PPARGC1A: variants seen among roughly 807,000 people sequenced by gnomAD.
PPARGC1A encodes the protein peroxisome proliferator-activated receptor gamma coactivator 1-alpha.
PPARGC1A carries 25 observed loss-of-function variants against 88.7 expected under a neutral mutation model. The ratio of observed to expected loss-of-function variants is 0.28; its 90% CI spans 0.21 to 0.39. The LOEUF (loss-of-function observed/expected upper bound fraction) is 0.39, where lower values mean the gene tolerates loss of function less well. Among genes scored for constraint, PPARGC1A ranks in the 10% least tolerant of loss-of-function variants. PPARGC1A has a pLI of 1.00. For synonymous variants in PPARGC1A, 363 were observed against 355.6 expected (o/e 1.02, Z -0.24); for missense variants, 880 against 968.7 (o/e 0.91, Z 1.22).
the PPARGC1A span, among the ~76,000 whole-genome samples, chr4:24,112,584 A>C: frequency 6.6e-6 from 1 of 152,200 alleles, no homozygotes; most frequent in Non-Finnish European, 1.5e-5. Context: ...ATACAGGGCT[A>C]TCTGCTTCCA....
intron 2 of PPARGC1A, among the ~76,000 whole-genome samples, chr4:23,867,091 T>A (rs1339949575): frequency 6.6e-6 from 1 of 152,244 alleles, no homozygotes; most frequent in South Asian, 2.1e-4. Context: ...TTCTGACTTA[T>A]TGAAGACTCA....
At chr4:23,918,184 G>A in the PPARGC1A span, among the ~76,000 whole-genome samples, 1 of 152,022 alleles carries the variant, frequency 6.6e-6, no homozygotes, top group African/African-American at 2.4e-5. Context: ...TGCTAGATTT[G>A]GGGAGGTCCG....
At chr4:24,214,293 C>T in the PPARGC1A span, among the ~76,000 whole-genome samples, 680 of 152,278 alleles carry the variant, frequency 4.5e-3, 6 homozygotes, top group African/African-American at 0.016. Flanking sequence ...CAACTACAGA[C>T]TGGTAAAACA....
chr4:23,962,638 A>C, the PPARGC1A span, among the ~76,000 whole-genome samples: 1 of 151,814 alleles, frequency 6.6e-6, no homozygotes, highest in Non-Finnish European at 1.5e-5. Flanking sequence ...TCAATACAAG[A>C]CTCCTGTTTG....
chr4:23,997,397 T>C, the PPARGC1A span, among the ~76,000 whole-genome samples: 1 of 152,072 alleles, frequency 6.6e-6, no homozygotes, highest in African/African-American at 2.4e-5. Flanking sequence ...ATTACAGGAT[T>C]AAGAGGCATC....
the PPARGC1A span, among the ~76,000 whole-genome samples, chr4:24,317,585 A>AC: frequency 2.9e-5 from 4 of 137,202 alleles, no homozygotes; most frequent in Non-Finnish European, 6.4e-5. Flanking sequence ...AAAAAAAAAA[A>AC]AAAAAAAAAA....
At chr4:23,808,847 C>T (rs940629037) in intron 10 of PPARGC1A, among the ~76,000 whole-genome samples, 1 of 152,072 alleles carries the variant, frequency 6.6e-6, no homozygotes, top group Non-Finnish European at 1.5e-5. Flanking sequence ...TATAGATCTC[C>T]TAAAACACCT....
chr4:23,913,109 G>C, the PPARGC1A span, among the ~76,000 whole-genome samples: 1 of 148,542 alleles, frequency 6.7e-6, no homozygotes, highest in African/African-American at 2.5e-5. Context: ...CTGGCCACAT[G>C]AACTAATTTC....
chr4:24,376,802 A>G, the PPARGC1A span, among the ~76,000 whole-genome samples: 1 of 152,112 alleles, frequency 6.6e-6, no homozygotes, highest in Non-Finnish European at 1.5e-5. Flanking sequence ...TCCATTTGTT[A>G]TGTGTTGTAT....
the PPARGC1A span, among the ~76,000 whole-genome samples, chr4:24,303,922 A>G: frequency 6.6e-6 from 1 of 152,250 alleles, no homozygotes; most frequent in Non-Finnish European, 1.5e-5. Context: ...AGAGGGAAAA[A>G]TGTACAAGGA....
intron 2 of PPARGC1A, among the ~76,000 whole-genome samples, chr4:23,840,185 C>T (rs561237060): frequency 1.3e-5 from 2 of 152,074 alleles, no homozygotes; most frequent in East Asian, 3.9e-4. Flanking sequence ...CCAAGGATCG[C>T]CATATAATTT....
chr4:24,239,013 G>A, the PPARGC1A span, among the ~76,000 whole-genome samples: 21 of 152,158 alleles, frequency 1.4e-4, no homozygotes, highest in East Asian at 3.7e-3. Context: ...TATCTTTCAG[G>A]CACTTTGCTA....
the PPARGC1A span, among the ~76,000 whole-genome samples, chr4:24,387,766 GAGAA>G: frequency 3.6e-3 from 189 of 52,008 alleles, 4 homozygotes; most frequent in African/African-American, 1.0e-2. Flanking sequence ...GAGAGAGAGA[GAGAA>G]AGAAAGAAAG....
the PPARGC1A span, among the ~76,000 whole-genome samples, chr4:23,952,408 G>T: frequency 6.6e-6 from 1 of 152,076 alleles, no homozygotes; most frequent in African/African-American, 2.4e-5. Flanking sequence ...CCAGGAAGTG[G>T]GGTGGGAGAG....
At chr4:24,119,372 G>A in the PPARGC1A span, among the ~76,000 whole-genome samples, 1 of 152,140 alleles carries the variant, frequency 6.6e-6, no homozygotes, top group Non-Finnish European at 1.5e-5. Context: ...AGACCTGAAA[G>A]ACCTGGTGTT....
the PPARGC1A span, among the ~76,000 whole-genome samples, chr4:24,338,211 AT>A: frequency 9.2e-5 from 14 of 152,038 alleles, no homozygotes; most frequent in Non-Finnish European, 2.1e-4. Flanking sequence ...ACGGTATAAA[AT>A]CCTGCGAGCC....
the PPARGC1A span, among the ~76,000 whole-genome samples, chr4:24,144,673 G>A: frequency 2.7e-5 from 4 of 150,684 alleles, no homozygotes; most frequent in African/African-American, 7.3e-5. Context: ...TCTCCTTCTC[G>A]CCCCACTAGC....
the PPARGC1A span, among the ~76,000 whole-genome samples, chr4:24,152,606 C>T: frequency 2.0e-5 from 3 of 152,142 alleles, no homozygotes; most frequent in African/African-American, 7.2e-5. Flanking sequence ...GAATAGTTTG[C>T]CGCTTATTAT....
chr4:24,376,673 T>C, the PPARGC1A span, among the ~76,000 whole-genome samples: 1 of 152,146 alleles, frequency 6.6e-6, no homozygotes, highest in Admixed American at 6.5e-5. Flanking sequence ...TATGGGTGCC[T>C]AAAAAAGGAA....
Sources: allele counts gnomAD v4.1 joint callset (sites outside exome capture counted in the v4.1 genomes callset), GRCh38; gene constraint gnomAD v4.1.1; transcripts MANE v1.5; gene names NCBI Gene and HGNC (gene_info 2026-07-23, HGNC 2026-07-21).